Variants in HNRNPA0 observed in about 807,000 individuals in gnomAD.
HNRNPA0 encodes hnRNA binding protein.
For synonymous variants in HNRNPA0, 243 were observed against 195.5 expected, an observed-to-expected ratio of 1.24 and a Z score of -2.03; for missense variants, 252 against 433.7, an observed-to-expected ratio of 0.58 and a Z score of 3.72.
chr5:137,745,654 C>T lies in HNRNPA0; in HGVS notation c.*7495G>A, dbSNP rs184679599. On this transcript the variant is annotated 3_prime_UTR_variant, in exon 1 of 1. Transcript: ENST00000314940. Reference sequence around the variant, plus strand: ...CACAAAACTCAGCACTGCTAAGTATCGTACTCATGGCTAAAGTTTATTACA... The same window carrying T: ...CACAAAACTCAGCACTGCTAAGTATTGTACTCATGGCTAAAGTTTATTACA... 10 of 152,190 alleles carry T rather than the reference C, an allele frequency of 6.6e-5. No individual in the cohort carries two copies. The highest frequency in any genetic ancestry group is 5.9e-4 in the Admixed American group (9 of 15,296). The allele number at this position is 152,190 out of a possible 1,614,324, so 9.4% of individuals were successfully genotyped here. A position where few individuals can be genotyped will look rare whatever the true frequency, so the allele number is the denominator to read the frequency against.
chr5:137,751,560 T>TC lies in HNRNPA0; in HGVS notation c.*1588dup, dbSNP rs1753498140. 1 of 150,286 alleles carries TC rather than the reference T, an allele frequency of 6.7e-6. No individual in the cohort carries two copies. Among genetic ancestry groups the TC allele is most frequent in the South Asian group, 2.1e-4 (1 of 4,662 alleles). 9.3% of individuals were successfully genotyped at this position (150,286 alleles called of 1,614,324 possible). On this transcript the variant is annotated 3_prime_UTR_variant, in exon 1 of 1. Coordinates refer to ENST00000314940, the MANE Select transcript of HNRNPA0 (RefSeq NM_006805.4). The stretch of plus-strand genomic sequence containing the variant: ...CCCACCCACCAGGTTATACATACTC[T>TC]CACTCAATCATGTAAAGAATTGAAT...
chr5:137,754,189 T>C lies in HNRNPA0; in HGVS notation c.-123A>G. On this transcript the variant is annotated 5_prime_UTR_variant, in exon 1 of 1. Transcript: ENST00000314940. Reference sequence around the variant, plus strand: ...CCGTTGCTGGAGCCACCCCCGCCGCTCACCGACGGGGAAGGGAAAAAGGGA... The same window carrying C: ...CCGTTGCTGGAGCCACCCCCGCCGCCCACCGACGGGGAAGGGAAAAAGGGA... 3 of 1,269,882 alleles carry C rather than the reference T, an allele frequency of 2.4e-6. No individual in the cohort carries two copies. Among genetic ancestry groups the C allele is most frequent in the Non-Finnish European group, 2.1e-6 (2 of 950,122 alleles). 78.7% of individuals were successfully genotyped at this position (1,269,882 alleles called of 1,614,324 possible).
chr5:137,754,187 G>A lies in HNRNPA0; in HGVS notation c.-121C>T. ...AGCCGTTGCTGGAGCCACCCCCGCCGCTCACCGACGGGGAAGGGAAAAAGG... is the reference window on the plus strand; with the variant it reads ...AGCCGTTGCTGGAGCCACCCCCGCCACTCACCGACGGGGAAGGGAAAAAGG... On this transcript the variant is annotated 5_prime_UTR_variant, in exon 1 of 1. Transcript: ENST00000314940. 1 of 1,308,196 alleles carries A rather than the reference G, an allele frequency of 7.6e-7. No individual in the cohort carries two copies. Among genetic ancestry groups the A allele is most frequent in the East Asian group, 2.6e-5 (1 of 38,950 alleles). 81.0% of individuals were successfully genotyped at this position (1,308,196 alleles called of 1,614,324 possible).
In HNRNPA0 at chr5:137,753,356, G is replaced by T; in HGVS notation, c.711C>A (p.Gly237=). Residue 237 remains glycine, a synonymous_variant, in exon 1 of 1, where the codon GGC becomes GGA. Transcript: ENST00000314940. This position sits in a 1 kb window ranked among gnomAD's most constrained non-coding sequence, Gnocchi z 6.1. ...TCCCACCGTAGGACGAACCGCCGCC[G>T]CCGCCTCCGTAGGCATTGTAGCCGC... ...GGGGYNAYGG[G]GGGSSYGGSD... 1 of 1,549,358 alleles carries T rather than the reference G, an allele frequency of 6.5e-7. No homozygotes were observed. Among genetic ancestry groups the T allele is most frequent in the Non-Finnish European group, 8.7e-7 (1 of 1,146,776 alleles).
In HNRNPA0 at chr5:137,753,856, C is replaced by A. The variant is rs775966015; in HGVS notation, c.211G>T (p.Ala71Ser). The stretch of plus-strand genomic sequence containing the variant: ...AGCTCCACAGTGTTGCCGTCCACGG[C>A]ATGGGGCGAGGCGGCCATGGCGGCG... ...ADAAMAASPHAVDGNTVELKR... is the reference protein window; with the variant it reads ...ADAAMAASPHSVDGNTVELKR... Residue 71 changes from alanine (A) to serine (S), a missense_variant, in exon 1 of 1, where the codon GCC (alanine) becomes TCC (serine). Physicochemically the swap from Ala to Ser is moderately conservative, Grantham distance 99 (BLOSUM62 1). Coordinates refer to ENST00000314940, the MANE Select transcript of HNRNPA0 (RefSeq NM_006805.4). This position sits in a 1 kb window ranked among gnomAD's most constrained non-coding sequence, Gnocchi z 6.1. 6.2e-7 allele frequency: 1 copy of A among 1,613,074 alleles called. No individual in the cohort carries two copies. Among genetic ancestry groups the A allele is most frequent in the South Asian group, 1.1e-5 (1 of 91,084 alleles).
At position 137,748,801 on chromosome 5, in the gene HNRNPA0, A is replaced by G. The variant is rs1752533283; in HGVS notation, c.*4348T>C. Reference sequence around the variant, plus strand: ...AAATTACATTTGCAACGTAAGCATCAAAGACAAAATACACCTTTGATTTCT... The same window carrying G: ...AAATTACATTTGCAACGTAAGCATCGAAGACAAAATACACCTTTGATTTCT... On this transcript the variant is annotated 3_prime_UTR_variant, in exon 1 of 1. Coordinates refer to ENST00000314940, the MANE Select transcript of HNRNPA0 (RefSeq NM_006805.4). 1 of 152,204 alleles carries G rather than the reference A, an allele frequency of 6.6e-6. No individual in the cohort carries two copies. The highest frequency in any genetic ancestry group is 2.1e-4 in the South Asian group (1 of 4,830). 9.4% of individuals were successfully genotyped at this position (152,204 alleles called of 1,614,324 possible). A position where few individuals can be genotyped will look rare whatever the true frequency, so the allele number is the denominator to read the frequency against.
rs1753442833 is a variant in HNRNPA0 at position 137,748,393 on chromosome 5, T to C, written c.*4756A>G. 6.6e-6 allele frequency: 1 copy of C among 152,154 alleles called. No homozygotes were observed. Among genetic ancestry groups the C allele is most frequent in the Non-Finnish European group, 1.5e-5 (1 of 68,006 alleles). 9.4% of individuals were successfully genotyped at this position (152,154 alleles called of 1,614,324 possible). ...TTGAAGCAGCAGTGATTTAGAGAACTACCACATGGAAGCTCACCCAGCAAG... is the reference window on the plus strand; with the variant it reads ...TTGAAGCAGCAGTGATTTAGAGAACCACCACATGGAAGCTCACCCAGCAAG... On this transcript the variant is annotated 3_prime_UTR_variant, in exon 1 of 1. Coordinates refer to ENST00000314940, the MANE Select transcript of HNRNPA0 (RefSeq NM_006805.4).
In HNRNPA0 at chr5:137,746,754, C is replaced by T. The variant is rs1025420702; in HGVS notation, c.*6395G>A. 1.3e-5 allele frequency: 2 copies of T among 152,110 alleles called. No homozygotes were observed. The highest frequency in any genetic ancestry group is 4.8e-5 in the African/African-American group (2 of 41,416). 9.4% of individuals were successfully genotyped at this position (152,110 alleles called of 1,614,324 possible). A position where few individuals can be genotyped will look rare whatever the true frequency, so the allele number is the denominator to read the frequency against. On this transcript the variant is annotated 3_prime_UTR_variant, in exon 1 of 1. Coordinates refer to ENST00000314940, the MANE Select transcript of HNRNPA0 (RefSeq NM_006805.4). ...CTGTCTCTCCCCAGTAAAATATAAG[C>T]TCTTTGAGGGCAGGGATTTTTGTCT... is the stretch of plus-strand genomic sequence containing the variant.
At position 137,749,110 on chromosome 5, in the gene HNRNPA0, A is replaced by T. The variant is rs1373558917; in HGVS notation, c.*4039T>A. 6.6e-6 allele frequency: 1 copy of T among 152,342 alleles called. No individual in the cohort carries two copies. The highest frequency in any genetic ancestry group is 1.5e-5 in the Non-Finnish European group (1 of 68,010). The allele number at this position is 152,342 out of a possible 1,614,324, so 9.4% of individuals were successfully genotyped here. On this transcript the variant is annotated 3_prime_UTR_variant, in exon 1 of 1. Transcript: ENST00000314940. ...TCTTACACAAAGGTGCCTAACACCC[A>T]ATGAAATTGACGGTAAACACTGGGA... is the stretch of plus-strand genomic sequence containing the variant.
rs1346196713 is a variant in HNRNPA0, at chr5:137,753,131, G to A, written c.*18C>T. ...AGAGCTACCCCTATAGCCACTCCCA[G>A]GCATTTTAAATTTTCTTTTAGAAGG... On this transcript the variant is annotated 3_prime_UTR_variant, in exon 1 of 1. Coordinates refer to ENST00000314940, the MANE Select transcript of HNRNPA0 (RefSeq NM_006805.4). The surrounding 1 kb of genome is among the most constrained non-coding windows in gnomAD (Gnocchi z 6.1). 3.7e-6 allele frequency: 6 copies of A among 1,605,882 alleles called. No individual in the cohort carries two copies. Among genetic ancestry groups the A allele is most frequent in the South Asian group, 2.2e-5 (2 of 90,020 alleles).
rs1036256470 is a variant in HNRNPA0, at chr5:137,749,388, T to G, written c.*3761A>C. 2 of 152,144 alleles carry G rather than the reference T, an allele frequency of 1.3e-5. No homozygotes were observed. Among genetic ancestry groups the G allele is most frequent in the Admixed American group, 1.3e-4 (2 of 15,274 alleles). The allele number at this position is 152,144 out of a possible 1,614,324, so 9.4% of individuals were successfully genotyped here. ...CAAAGTAAAAAAAATAGGTGGAAAA[T>G]AGAGAATTGCCCTTCTAGTCTTCCT... On this transcript the variant is annotated 3_prime_UTR_variant, in exon 1 of 1. Coordinates refer to ENST00000314940, the MANE Select transcript of HNRNPA0 (RefSeq NM_006805.4).
chr5:137,753,700 T>C lies in HNRNPA0; in HGVS notation c.367A>G (p.Thr123Ala), dbSNP rs1561630461. ...DLIEHFSQFG[T>A]VEKAEIIADK... ...GCAATAATCTCGGCCTTTTCCACGG[T>C]GCCAAACTGCGAGAAGTGCTCGATC... is the stretch of plus-strand genomic sequence containing the variant. The change falls in exon 1 of 1, where the codon ACC becomes GCC. Residue 123 changes from threonine (T) to alanine (A), a missense_variant. By Grantham distance (58) the Thr-to-Ala change is moderately conservative. Transcript: ENST00000314940. This position sits in a 1 kb window ranked among gnomAD's most constrained non-coding sequence, Gnocchi z 6.1. 6.2e-7 allele frequency: 1 copy of C among 1,613,842 alleles called. No homozygotes were observed. The highest frequency in any genetic ancestry group is 1.7e-5 in the Admixed American group (1 of 60,030).
At position 137,753,159 on chromosome 5, in the gene HNRNPA0, C is replaced by A; in HGVS notation, c.908G>T (p.Ser303Ile). 6.2e-7 allele frequency: 1 copy of A among 1,612,536 alleles called. No individual in the cohort carries two copies. The highest frequency in any genetic ancestry group is 8.5e-7 in the Non-Finnish European group (1 of 1,179,184). ...ATTTTAAATTTTCTTTTAGAAGGAG[C>A]TGCCTCCATAGCCACCCCCACCGCC... ...GYGGGGGYGG[S>I]SF The change falls in exon 1 of 1, where the codon AGC becomes ATC. Residue 303 changes from serine to isoleucine, a missense_variant. Transcript: ENST00000314940. The surrounding 1 kb of genome is among the most constrained non-coding windows in gnomAD (Gnocchi z 6.1).
chr5:137,747,597 C>T lies in HNRNPA0; in HGVS notation c.*5552G>A, dbSNP rs561168727. 6.6e-6 allele frequency: 1 copy of T among 152,334 alleles called. No individual in the cohort carries two copies. The highest frequency in any genetic ancestry group is 1.9e-4 in the East Asian group (1 of 5,192). The allele number at this position is 152,334 out of a possible 1,614,324, so 9.4% of individuals were successfully genotyped here. A position where few individuals can be genotyped will look rare whatever the true frequency, so the allele number is the denominator to read the frequency against. On this transcript the variant is annotated 3_prime_UTR_variant, in exon 1 of 1. Transcript: ENST00000314940. The stretch of plus-strand genomic sequence containing the variant: ...AACTTACCTCAACTTCTTTGTCAGT[C>T]TATTTCCATTGCTCTTTGTTCATGC...
rs1321411955 is a variant in HNRNPA0, at chr5:137,754,287, GA to G, written c.-222del. On this transcript the variant is annotated 5_prime_UTR_variant, in exon 1 of 1. Coordinates refer to ENST00000314940, the MANE Select transcript of HNRNPA0 (RefSeq NM_006805.4). ...TGCCGGCTAAAGGGCGAGCCGAGGAGACTGGAAGACAACCAAGGCCACCGCT... is the reference window on the plus strand; with the variant it reads ...TGCCGGCTAAAGGGCGAGCCGAGGAGCTGGAAGACAACCAAGGCCACCGCT... 1 of 619,098 alleles carries G rather than the reference GA, an allele frequency of 1.6e-6. No individual in the cohort carries two copies. Among genetic ancestry groups the G allele is most frequent in the African/African-American group, 1.8e-5 (1 of 54,178 alleles). The allele number at this position is 619,098 out of a possible 1,614,324, so 38.4% of individuals were successfully genotyped here.
rs890975990 is a variant in HNRNPA0, at chr5:137,754,314, A to ACCG, written c.-251_-249dup. The ACCG allele has an allele frequency of 7.1e-5, 35 of 495,444 alleles. No homozygotes were observed. Among genetic ancestry groups the ACCG allele is most frequent in the Admixed American group, 1.9e-4 (5 of 26,830 alleles). 30.7% of individuals were successfully genotyped at this position (495,444 alleles called of 1,614,324 possible). On this transcript the variant is annotated 5_prime_UTR_variant, in exon 1 of 1. Transcript: ENST00000314940. ...CTGGAAGACAACCAAGGCCACCGCT[A>ACCG]CCGCCGCCGCCGCCACCTCCGCTCC...
chr5:137,747,887 T>C lies in HNRNPA0; in HGVS notation c.*5262A>G, dbSNP rs1342115012. ...TTCTCACAACTCTCTTTTATCTTAG[T>C]ACAAATTAGACATTTGTTAGCTGGA... On this transcript the variant is annotated 3_prime_UTR_variant, in exon 1 of 1. Coordinates refer to ENST00000314940, the MANE Select transcript of HNRNPA0 (RefSeq NM_006805.4). 6.6e-6 allele frequency: 1 copy of C among 152,216 alleles called. No individual in the cohort carries two copies. The highest frequency in any genetic ancestry group is 1.9e-4 in the East Asian group (1 of 5,206). 9.4% of individuals were successfully genotyped at this position (152,216 alleles called of 1,614,324 possible).
Position 137,753,504 on chromosome 5 carries a change from G to A in HNRNPA0, c.563C>T (p.Ser188Phe). The change falls in exon 1 of 1, where the codon TCC (serine) becomes TTC (phenylalanine). Residue 188 changes from serine to phenylalanine, a missense_variant. Coordinates refer to ENST00000314940, the MANE Select transcript of HNRNPA0 (RefSeq NM_006805.4). The surrounding 1 kb of genome is among the most constrained non-coding windows in gnomAD (Gnocchi z 6.1). ...DIYSGGGGGG[S>F]RSSRGGRGGR... is the part of the protein sequence containing the mutation. ...GCCTCGGCCGCCCCGGGAGGATCGGGAGCCGCCTCCACCCCCACCGGAGTA... is the reference window on the plus strand; with the variant it reads ...GCCTCGGCCGCCCCGGGAGGATCGGAAGCCGCCTCCACCCCCACCGGAGTA... The A allele has an allele frequency of 2.5e-6, 4 of 1,598,184 alleles. No homozygotes were observed. The highest frequency in any genetic ancestry group is 3.4e-6 in the Non-Finnish European group (4 of 1,172,140).
Position 137,751,196 on chromosome 5 carries a change from A to G in HNRNPA0, c.*1953T>C, listed in dbSNP as rs973012686. 6.6e-6 allele frequency: 1 copy of G among 152,034 alleles called. No individual in the cohort carries two copies. Among genetic ancestry groups the G allele is most frequent in the South Asian group, 2.1e-4 (1 of 4,814 alleles). 9.4% of individuals were successfully genotyped at this position (152,034 alleles called of 1,614,324 possible). ...ATCCACCCCGTTTGTCATAGAGGAT[A>G]TAACACTATTTGTACCAACCATCCG... On this transcript the variant is annotated 3_prime_UTR_variant, in exon 1 of 1. Coordinates refer to ENST00000314940, the MANE Select transcript of HNRNPA0 (RefSeq NM_006805.4).
Sources: allele counts gnomAD v4.1 joint callset, GRCh38; gene constraint gnomAD v4.1.1; non-coding constraint Gnocchi (gnomAD v3.1); transcripts MANE v1.5; gene names NCBI Gene and HGNC (gene_info 2026-07-23, HGNC 2026-07-21).